Variants in KCNU1 observed in about 807,000 individuals in gnomAD.
The protein encoded by KCNU1 is potassium channel subfamily U member 1.
KCNU1 carries 93 observed loss-of-function variants against 126.8 expected under a neutral mutation model. That is an observed-to-expected ratio of 0.73 (90% CI 0.62 to 0.87). KCNU1 has a LOEUF of 0.87. KCNU1 is among the 40% of genes least tolerant of loss of function. The pLI is 0.00. For missense variants in KCNU1, 1,330 were observed against 1,367.1 expected (o/e 0.97, Z 0.43); for synonymous variants, 523 against 494.2 (o/e 1.06, Z -0.77).
chr8:36,907,195 A>G (rs1807666132), intron 20 of KCNU1, among the ~76,000 whole-genome samples: 2 of 152,144 alleles, frequency 1.3e-5, no homozygotes, highest in African/African-American at 2.4e-5. Flanking sequence ...AATTCGGGGT[A>G]TCTTTAAACT....
At chr8:36,891,632 G>A (rs775316776) in intron 19 of KCNU1, among the ~76,000 whole-genome samples, 6 of 151,958 alleles carry the variant, frequency 3.9e-5, no homozygotes, top group Admixed American at 2.0e-4. Context: ...CTTTAGTATC[G>A]TTTGTAATAA....
chr8:36,840,816 G>C (rs1386091649), intron 15 of KCNU1, 116 bp from the exon 16 acceptor site: 2 of 769,968 alleles, frequency 2.6e-6, no homozygotes, highest in African/African-American at 3.4e-5. Context: ...ATTCCACATT[G>C]GGAGTTCTTT....
At chr8:36,926,948 A>G (rs1808553483) in intron 24 of KCNU1, among the ~76,000 whole-genome samples, 1 of 152,118 alleles carries the variant, frequency 6.6e-6, no homozygotes, top group Non-Finnish European at 1.5e-5. Context: ...TGAGAACACC[A>G]GCCATTACTT....
chr8:36,852,415 T>A (rs1805383119), intron 18 of KCNU1, among the ~76,000 whole-genome samples: 1 of 152,132 alleles, frequency 6.6e-6, no homozygotes, highest in South Asian at 2.1e-4. Flanking sequence ...CTTCTTTTAT[T>A]TTTTGGAACG....
chr8:36,924,932 G>A (rs1398958072), intron 24 of KCNU1, among the ~76,000 whole-genome samples: 1 of 152,144 alleles, frequency 6.6e-6, no homozygotes, highest in Non-Finnish European at 1.5e-5. Flanking sequence ...GATCAGAAGG[G>A]CAGGATGGAC....
intron 10 of KCNU1, among the ~76,000 whole-genome samples, chr8:36,829,070 C>T (rs1215750717): frequency 6.6e-6 from 1 of 152,086 alleles, no homozygotes; most frequent in Non-Finnish European, 1.5e-5. Context: ...CTTTCCGTGA[C>T]ATACTCATCC....
At chr8:36,879,006 T>G (rs928503921) in intron 19 of KCNU1, among the ~76,000 whole-genome samples, 3 of 148,026 alleles carry the variant, frequency 2.0e-5, no homozygotes, top group Non-Finnish European at 3.0e-5. Flanking sequence ...GCAACTATGA[T>G]AGCAAATCAT....
intron 19 of KCNU1, chr8:36,889,029 C>A (rs1355480579): frequency 6.1e-5 from 28 of 455,674 alleles, no homozygotes; most frequent in Non-Finnish European, 1.1e-4. Context: ...CAGGCATACA[C>A]CACCATGCCC....
intron 10 of KCNU1, among the ~76,000 whole-genome samples, chr8:36,821,700 T>G (rs1240099459): frequency 6.6e-6 from 1 of 152,168 alleles, no homozygotes; most frequent in Non-Finnish European, 1.5e-5. Flanking sequence ...TGGTCCCTGG[T>G]TTATGATGCT....
At chr8:36,875,409 T>A (rs1806245192) in intron 19 of KCNU1, among the ~76,000 whole-genome samples, 1 of 148,924 alleles carries the variant, frequency 6.7e-6, no homozygotes, top group African/African-American at 2.4e-5. Context: ...TAGTGTTTTA[T>A]ATATGTTATT....
chr8:36,799,910 G>C (rs1163020848), intron 2 of KCNU1, among the ~76,000 whole-genome samples: 1 of 151,880 alleles, frequency 6.6e-6, no homozygotes, highest in Admixed American at 6.6e-5. Context: ...CTTTATTCTA[G>C]TTCACTTTCA....
intron 23 of KCNU1, among the ~76,000 whole-genome samples, chr8:36,921,449 C>T (rs1012853978): frequency 4.6e-5 from 7 of 151,890 alleles, no homozygotes; most frequent in Non-Finnish European, 1.0e-4. Context: ...GAGGCTGAGG[C>T]GGGTGGATCA....
chr8:36,899,288 GA>G (rs33991113), intron 19 of KCNU1, among the ~76,000 whole-genome samples: 58,698 of 149,820 alleles, frequency 0.39, 11,499 homozygotes, highest in Admixed American at 0.44. Context: ...CTAGAAGATA[GA>G]AAAAAAAAAT....
In KCNU1 at chr8:36,836,950, C is replaced by T. The variant is rs368898747; in HGVS notation, c.1518+5C>T. 84 of 1,613,210 alleles carry T rather than the reference C, an allele frequency of 5.2e-5. No individual in the cohort carries two copies. The highest frequency in any genetic ancestry group is 6.8e-5 in the Non-Finnish European group (80 of 1,179,436). On this transcript the variant is annotated splice_donor_5th_base_variant and intron_variant, in intron 14 of 26. Coordinates refer to ENST00000399881, the MANE Select transcript of KCNU1 (RefSeq NM_001031836.3). Reference sequence around the variant, plus strand: ...TTTGTGGAGCAAAACAAAAAGGTAACCTTGTAAATTACTGTTGATTCTTGG... The same window carrying T: ...TTTGTGGAGCAAAACAAAAAGGTAATCTTGTAAATTACTGTTGATTCTTGG...
intron 23 of KCNU1, among the ~76,000 whole-genome samples, chr8:36,919,452 G>C (rs1233747459): frequency 1.4e-5 from 2 of 137,978 alleles, no homozygotes; most frequent in Admixed American, 1.5e-4. Context: ...AAAAACTCTC[G>C]AAGAATTAAC....
chr8:36,815,304 TCAAAAACAAAAA>T (rs1418364423), intron 8 of KCNU1, among the ~76,000 whole-genome samples: 10 of 152,080 alleles, frequency 6.6e-5, no homozygotes, highest in South Asian at 4.1e-4. Context: ...AGACTCTGTC[TCAAAAACAAAAA>T]CAAAAACAAA....
chr8:36,924,634 G>A (rs1342887104), intron 24 of KCNU1, among the ~76,000 whole-genome samples: 1 of 152,164 alleles, frequency 6.6e-6, no homozygotes, highest in Non-Finnish European at 1.5e-5. Context: ...AGTCAAGTCA[G>A]GTTACTTTTC....
At chr8:36,827,444 T>C (rs1243637731) in intron 10 of KCNU1, among the ~76,000 whole-genome samples, 1 of 152,222 alleles carries the variant, frequency 6.6e-6, no homozygotes, top group East Asian at 1.9e-4. Context: ...GGTAGCTGCT[T>C]CTTCTGAATT....
chr8:36,840,864 A>T, intron 15 of KCNU1, 68 bp from the exon 16 acceptor site: 1 of 1,060,364 alleles, frequency 9.4e-7, no homozygotes, highest in Non-Finnish European at 1.5e-6. Context: ...CACAGAGCAC[A>T]GAGTGTTAGT....
Sources: allele counts gnomAD v4.1 joint callset (sites outside exome capture counted in the v4.1 genomes callset), GRCh38; gene constraint gnomAD v4.1.1; transcripts MANE v1.5; gene names NCBI Gene and HGNC (gene_info 2026-07-23, HGNC 2026-07-21).